GRIP1: variants seen among roughly 807,000 people sequenced by gnomAD.
The protein encoded by GRIP1 is glutamate receptor-interacting protein 1.
A neutral mutation model predicts 129.9 loss-of-function variants in GRIP1; 45 were observed. That is an observed-to-expected ratio of 0.35 (90% CI 0.27 to 0.44). GRIP1 has a LOEUF of 0.44. Among genes scored for constraint, GRIP1 ranks in the 20% least tolerant of loss-of-function variants. The probability of loss-of-function intolerance (pLI) is 1.00; values close to 1 mark genes in which losing one functional copy is unlikely to be tolerated. For synonymous variants in GRIP1, 530 were observed against 520.8 expected (o/e 1.02, Z -0.24); for missense variants, 1,196 against 1,396.8 (o/e 0.86, Z 2.29).
intron 1 of GRIP1, among the ~76,000 whole-genome samples, chr12:66,832,915 A>G (rs2039544039): frequency 6.6e-6 from 1 of 152,204 alleles, no homozygotes; most frequent in African/African-American, 2.4e-5. Flanking sequence ...TCCTAGCAAC[A>G]TGAACACAGA....
At position 66,439,346 on chromosome 12, in the gene GRIP1, T is replaced by C. The variant is rs371349958; in HGVS notation, c.1687+5238A>G. ...CCTTCTCTGAAATCCTAAACTCTAA[T>C]ACAGCACTTGGGCCTCAATCTCCTA... On this transcript the variant is annotated intron_variant, in intron 13 of 24. Coordinates refer to ENST00000359742, the MANE Select transcript of GRIP1 (RefSeq NM_001366722.1). Among the ~76,000 whole-genome samples the C allele has an allele frequency of 6.4e-4, 98 of 152,318 alleles. 1 individual carries two copies. The South Asian group carries it at 0.019, about 30-fold the overall frequency.
chr12:66,365,304 G>A (rs1452047070), intron 23 of GRIP1, among the ~76,000 whole-genome samples: 1 of 152,084 alleles, frequency 6.6e-6, no homozygotes. Context: ...GGGCATGGTG[G>A]TGTGTACCTG....
At chr12:66,523,303 G>T (rs1470688008) in intron 5 of GRIP1, among the ~76,000 whole-genome samples, 2 of 149,768 alleles carry the variant, frequency 1.3e-5, no homozygotes, top group Admixed American at 6.6e-5. Flanking sequence ...CCCACAAAGG[G>T]AAGCCCATCA....
chr12:66,606,169 A>G (rs1565904420), intron 1 of GRIP1, among the ~76,000 whole-genome samples: 1 of 152,184 alleles, frequency 6.6e-6, no homozygotes, highest in Non-Finnish European at 1.5e-5. Context: ...ATCAATTTTC[A>G]TTAATTTTTA....
chr12:66,784,680 GA>G (rs150359022), intron 1 of GRIP1, among the ~76,000 whole-genome samples: 41 of 151,146 alleles, frequency 2.7e-4, no homozygotes, highest in Non-Finnish European at 5.3e-4. Flanking sequence ...CTGCTTTCAG[GA>G]AAAAAAAATC....
At chr12:66,641,469 A>G (rs1014994716) in intron 1 of GRIP1, among the ~76,000 whole-genome samples, 1 of 152,212 alleles carries the variant, frequency 6.6e-6, no homozygotes, top group Non-Finnish European at 1.5e-5. Context: ...TAAAAGTCTA[A>G]ACTTTCAGAG....
upstream of GRIP1, among the ~76,000 whole-genome samples, chr12:66,805,089 G>T (rs2038961812): frequency 6.6e-6 from 1 of 152,002 alleles, no homozygotes; most frequent in Non-Finnish European, 1.5e-5. Flanking sequence ...TAAGGGAAAA[G>T]AAATACAAAT....
chr12:66,987,571 G>C (rs2042330621), intron 1 of GRIP1, among the ~76,000 whole-genome samples: 1 of 152,268 alleles, frequency 6.6e-6, no homozygotes, highest in South Asian at 2.1e-4. Flanking sequence ...CTGCCAGAGA[G>C]AAAATCTACC....
chr12:66,372,656 G>A lies in GRIP1; in HGVS notation c.2779-729C>T, dbSNP rs1278827529. Among the ~76,000 whole-genome samples the A allele has an allele frequency of 3.3e-5, 5 of 152,180 alleles. No individual in the cohort carries two copies. The South Asian group carries it at 1.0e-3, about 32-fold the overall frequency. Reference sequence around the variant, plus strand: ...GTAGGACTTGAATTGGATGTTACCAGTGAATTGGGAAGTTTGTTCGGTTTC... The same window carrying A: ...GTAGGACTTGAATTGGATGTTACCAATGAATTGGGAAGTTTGTTCGGTTTC... On this transcript the variant is annotated intron_variant, in intron 22 of 24. Transcript: ENST00000359742.
At chr12:66,590,672 G>T (rs1261391401) in intron 2 of GRIP1, among the ~76,000 whole-genome samples, 2 of 152,032 alleles carry the variant, frequency 1.3e-5, no homozygotes, top group East Asian at 3.8e-4. Context: ...TTTTTCCTAG[G>T]GTGTTTTAGG....
intron 1 of GRIP1, among the ~76,000 whole-genome samples, chr12:66,997,778 C>T (rs751513727): frequency 9.2e-5 from 14 of 152,086 alleles, no homozygotes; most frequent in Non-Finnish European, 1.6e-4. Context: ...AAGTTAAAAA[C>T]TTATCCAAAG....
chr12:66,850,385 T>G (rs1476485561), intron 1 of GRIP1, among the ~76,000 whole-genome samples: 1 of 152,156 alleles, frequency 6.6e-6, no homozygotes, highest in African/African-American at 2.4e-5. Flanking sequence ...AGAATGTTCC[T>G]CTGTTGAATA....
intron 1 of GRIP1, among the ~76,000 whole-genome samples, chr12:66,719,086 C>T (rs2035980863): frequency 6.6e-6 from 1 of 152,070 alleles, no homozygotes; most frequent in African/African-American, 2.4e-5. Flanking sequence ...GAAGCTGGGA[C>T]TGTCCTGGAT....
intron 1 of GRIP1, among the ~76,000 whole-genome samples, chr12:66,749,665 C>A (rs1350302896): frequency 6.6e-6 from 1 of 152,160 alleles, no homozygotes; most frequent in Non-Finnish European, 1.5e-5. Context: ...CCCAGCCTCC[C>A]CTGCAGCAAC....
intron 1 of GRIP1, among the ~76,000 whole-genome samples, chr12:67,011,143 A>G (rs1284067380): frequency 2.0e-5 from 3 of 152,142 alleles, no homozygotes; most frequent in African/African-American, 7.2e-5. Flanking sequence ...CAAACTCAAC[A>G]TCTCCAAAAC....
chr12:66,612,775 C>T (rs1408804568), intron 1 of GRIP1, among the ~76,000 whole-genome samples: 2 of 152,246 alleles, frequency 1.3e-5, no homozygotes, highest in African/African-American at 2.4e-5. Flanking sequence ...ATGCAGCATA[C>T]CACTGTATGA....
chr12:67,001,065 C>T (rs1398738293), intron 1 of GRIP1, among the ~76,000 whole-genome samples: 3 of 152,206 alleles, frequency 2.0e-5, no homozygotes, highest in African/African-American at 7.2e-5. Context: ...ACCATCTTCA[C>T]TTAGCAATTA....
At chr12:66,695,832 T>A (rs2035138372) in intron 1 of GRIP1, among the ~76,000 whole-genome samples, 1 of 152,154 alleles carries the variant, frequency 6.6e-6, no homozygotes, top group South Asian at 2.1e-4. Context: ...ATCAGTAGGA[T>A]GTGTGGATGC....
chr12:67,032,231 C>T (rs942538046), intron 1 of GRIP1, among the ~76,000 whole-genome samples: 1 of 152,124 alleles, frequency 6.6e-6, no homozygotes, highest in Non-Finnish European at 1.5e-5. Flanking sequence ...CCTGTAGAAG[C>T]TTCGCACATG....
Sources: gnomAD v4.1 joint callset for allele counts (sites outside exome capture counted in the v4.1 genomes callset) on GRCh38, gnomAD v4.1.1 for gene constraint, MANE v1.5 for transcripts, NCBI Gene and HGNC (gene_info 2026-07-23, HGNC 2026-07-21) for gene names.